The following GALNT5 variants were observed in gnomAD, a reference collection of about 807,000 sequenced individuals.
GALNT5 encodes the protein polypeptide N-acetylgalactosaminyltransferase 5.
A neutral mutation model predicts 85.4 loss-of-function variants in GALNT5; 72 were observed. The ratio of observed to expected loss-of-function variants is 0.84; its 90% CI spans 0.70 to 1.03. The LOEUF (loss-of-function observed/expected upper bound fraction) is 1.03. GALNT5 is among the 50% of genes least tolerant of loss of function. GALNT5 has a pLI of 0.00. For synonymous variants in GALNT5, 404 were observed against 397.0 expected (o/e 1.02, Z -0.21); for missense variants, 1,137 against 1,135.5 (o/e 1.00, Z -0.02).
chr2:157,263,110 A>G (rs1227115846), intron 1 of GALNT5, among the ~76,000 whole-genome samples: 3 of 151,742 alleles, frequency 2.0e-5, no homozygotes, highest in Admixed American at 2.0e-4. Flanking sequence ...TGCAGGCGTG[A>G]GCCACCGCAT....
chr2:157,303,834 T>TTAA (rs1683398703), intron 7 of GALNT5, among the ~76,000 whole-genome samples: 1 of 152,184 alleles, frequency 6.6e-6, no homozygotes, highest in Non-Finnish European at 1.5e-5. Flanking sequence ...TAGACACAAA[T>TTAA]AGTTAAACAG....
At chr2:157,265,446 A>C (rs1287900234) in intron 1 of GALNT5, among the ~76,000 whole-genome samples, 1 of 152,232 alleles carries the variant, frequency 6.6e-6, no homozygotes, top group Admixed American at 6.5e-5. Context: ...ACAGCTAAAC[A>C]GTGCCTAATT....
At position 157,258,520 on chromosome 2, in the gene GALNT5, G is replaced by C. The variant is rs764503642; in HGVS notation, c.438G>C (p.Gly146=). ...CTCCTAACAAGCAGAAGACAGACGG[G>C]AGAGGCACCAAACCTGAAGCCTCCT... is the stretch of plus-strand genomic sequence containing the variant. ...PVTPNKQKTD[G]RGTKPEASSH... The change falls in exon 1 of 10, where the codon GGG becomes GGC. Residue 146 remains glycine, a synonymous_variant. Coordinates refer to ENST00000259056, the MANE Select transcript of GALNT5 (RefSeq NM_014568.3). 1 of 1,612,232 alleles carries C rather than the reference G, an allele frequency of 6.2e-7. No individual in the cohort carries two copies. The highest frequency in any genetic ancestry group is 1.1e-5 in the South Asian group (1 of 90,888).
chr2:157,258,866 A>G lies in GALNT5; in HGVS notation c.784A>G (p.Ser262Gly). 6.4e-7 allele frequency: 1 copy of G among 1,574,278 alleles called. No homozygotes were observed. The highest frequency in any genetic ancestry group is 1.2e-5 in the South Asian group (1 of 85,052). The change falls in exon 1 of 10, where the codon AGC (serine) becomes GGC (glycine). Residue 262 changes from serine to glycine, a missense_variant. Ser to Gly is a moderately conservative substitution (Grantham distance 56). Transcript: ENST00000259056. ...AMALNKTKTQ[S>G]KEVNANKHKA... ...GGCCTTAAACAAAACTAAGACTCAG[A>G]GCAAAGAAGTCAATGCAAATAAACA...
rs1391774899 is a variant in GALNT5, at chr2:157,311,558, G to T, written c.*210G>T. 3.8e-5 allele frequency: 17 copies of T among 441,738 alleles called. No individual in the cohort carries two copies. Among genetic ancestry groups the T allele is most frequent in the Non-Finnish European group, 6.0e-5 (15 of 251,354 alleles). 27.4% of individuals were successfully genotyped at this position (441,738 alleles called of 1,614,324 possible). A position where few individuals can be genotyped will look rare whatever the true frequency, so the allele number is the denominator to read the frequency against. ...GACTGAAGTCCTTCTTCGGAACTGG[G>T]TGGCCTTTGAATTGCCTGCTTTCCA... On this transcript the variant is annotated 3_prime_UTR_variant, in exon 10 of 10. Transcript: ENST00000259056.
intron 1 of GALNT5, among the ~76,000 whole-genome samples, chr2:157,269,475 T>A (rs1445408951): frequency 6.6e-6 from 1 of 152,222 alleles, no homozygotes; most frequent in Non-Finnish European, 1.5e-5. Flanking sequence ...AATTTCTTCA[T>A]TGTAATTCTT....
At position 157,258,232 on chromosome 2, in the gene GALNT5, G is replaced by A. The variant is rs1293253054; in HGVS notation, c.150G>A (p.Val50=). ...CTCGGGTCATCAAGGAAGACATTGTGAGGAGGGAGCGGATAGGATTCAGAG... is the reference window on the plus strand; with the variant it reads ...CTCGGGTCATCAAGGAAGACATTGTAAGGAGGGAGCGGATAGGATTCAGAG... The part of the protein sequence containing the change: ...INTRVIKEDI[V]RRERIGFRVQ... Residue 50 remains valine (V), a synonymous_variant, in exon 1 of 10, where the codon GTG becomes GTA. Transcript: ENST00000259056. 2 of 1,613,546 alleles carry A rather than the reference G, an allele frequency of 1.2e-6. No homozygotes were observed. The highest frequency in any genetic ancestry group is 8.5e-7 in the Non-Finnish European group (1 of 1,179,832).
chr2:157,278,117 A>C (rs1682777426), intron 1 of GALNT5, among the ~76,000 whole-genome samples: 1 of 152,174 alleles, frequency 6.6e-6, no homozygotes, highest in Non-Finnish European at 1.5e-5. Context: ...CTGGGTTGAA[A>C]GTTCTTTTCT....
chr2:157,283,129 C>T (rs1457906720), intron 1 of GALNT5, among the ~76,000 whole-genome samples: 2 of 152,160 alleles, frequency 1.3e-5, no homozygotes, highest in Non-Finnish European at 2.9e-5. Flanking sequence ...GTGTTCGAGT[C>T]CCAGCTCTGC....
chr2:157,284,443 C>T lies in GALNT5; in HGVS notation c.1616C>T (p.Thr539Ile). 1 of 1,613,156 alleles carries T rather than the reference C, an allele frequency of 6.2e-7. No individual in the cohort carries two copies. Among genetic ancestry groups the T allele is most frequent in the Non-Finnish European group, 8.5e-7 (1 of 1,179,360 alleles). ...KEILLVDDFS[T>I]KDYLKDNLDK... The stretch of plus-strand genomic sequence containing the variant: ...ATTCTGCTGGTAGATGACTTCAGCA[C>T]CAAAGGTAAGAAAACCACTCAGGCT... Residue 539 changes from threonine to isoleucine, a missense_variant, in exon 2 of 10, where the codon ACC (threonine) becomes ATC (isoleucine). Coordinates refer to ENST00000259056, the MANE Select transcript of GALNT5 (RefSeq NM_014568.3).
intron 7 of GALNT5, among the ~76,000 whole-genome samples, chr2:157,304,610 T>A (rs1337083895): frequency 6.6e-6 from 1 of 152,234 alleles, no homozygotes; most frequent in African/African-American, 2.4e-5. Flanking sequence ...TCCGCTGTTA[T>A]GTGGAAGACC....
intron 3 of GALNT5, among the ~76,000 whole-genome samples, chr2:157,291,639 C>CCT (rs1553463152): frequency 1.4e-5 from 2 of 139,014 alleles, no homozygotes; most frequent in African/African-American, 5.7e-5. Context: ...ACCCACCCCC[C>CCT]CCCAGATTTT....
chr2:157,299,635 G>C lies in GALNT5; in HGVS notation c.2085G>C (p.Trp695Cys), dbSNP rs1158510751. The C allele has an allele frequency of 6.2e-7, 1 of 1,608,704 alleles. No individual in the cohort carries two copies. The highest frequency in any genetic ancestry group is 8.5e-7 in the Non-Finnish European group (1 of 1,175,554). The change falls in exon 6 of 10, where the codon TGG becomes TGC. Residue 695 changes from tryptophan to cysteine, a missense_variant. Coordinates refer to ENST00000259056, the MANE Select transcript of GALNT5 (RefSeq NM_014568.3). ...LGTYDPGLDV[W>C]GGENMELSFK... ...CATACGACCCTGGCCTTGATGTTTG[G>C]GGTGGGGAAAATATGGAGCTCTCAT...
rs138347479 is a variant in GALNT5, at chr2:157,295,704, G to A, written c.1783G>A (p.Val595Ile). The change falls in exon 4 of 10, where the codon GTT becomes ATT. Residue 595 changes from valine to isoleucine, a missense_variant. Val to Ile is a conservative substitution (Grantham distance 29). Transcript: ENST00000259056. ...TFLDSHVECNVGWLEPLLERV... is the reference protein window; with the variant it reads ...TFLDSHVECNIGWLEPLLERV... ...TTTAGATTCTCATGTGGAATGTAAC[G>A]TTGGTTGGTTGGAACCTCTTCTGGA... 6.8e-5 allele frequency: 110 copies of A among 1,612,256 alleles called. No homozygotes were observed. The Middle Eastern group carries it at 8.3e-4, about 12-fold the overall frequency.
At chr2:157,292,330 G>A (rs1683119092) in intron 3 of GALNT5, among the ~76,000 whole-genome samples, 1 of 152,154 alleles carries the variant, frequency 6.6e-6, no homozygotes, top group African/African-American at 2.4e-5. Flanking sequence ...TACGCAGAGA[G>A]CTCCCTGTTT....
chr2:157,268,220 A>T (rs1250679313), intron 1 of GALNT5, among the ~76,000 whole-genome samples: 1 of 152,218 alleles, frequency 6.6e-6, no homozygotes, highest in East Asian at 1.9e-4. Context: ...GAATGTTATC[A>T]TTCCCTCAAT....
At chr2:157,261,826 G>C (rs1225696288) in intron 1 of GALNT5, among the ~76,000 whole-genome samples, 1 of 151,924 alleles carries the variant, frequency 6.6e-6, no homozygotes, top group African/African-American at 2.4e-5. Context: ...TTTTGTTTTT[G>C]TTTTTTTAAA....
chr2:157,265,735 T>A (rs1484883587), intron 1 of GALNT5, among the ~76,000 whole-genome samples: 1 of 152,174 alleles, frequency 6.6e-6, no homozygotes. Flanking sequence ...GAGAAACAAC[T>A]TTTTTGCTCA....
At position 157,311,499 on chromosome 2, in the gene GALNT5, C is replaced by A; in HGVS notation, c.*151C>A. 1.7e-6 allele frequency: 1 copy of A among 580,052 alleles called. No homozygotes were observed. The highest frequency in any genetic ancestry group is 2.9e-6 in the Non-Finnish European group (1 of 346,850). The allele number at this position is 580,052 out of a possible 1,614,324, so 35.9% of individuals were successfully genotyped here. A position where few individuals can be genotyped will look rare whatever the true frequency, so the allele number is the denominator to read the frequency against. On this transcript the variant is annotated 3_prime_UTR_variant, in exon 10 of 10. Transcript: ENST00000259056. ...TTTATAAATCACAATATTTGGAATA[C>A]CAAAAGATGACTCAGGAAAACAGTC... is the stretch of plus-strand genomic sequence containing the variant.
Sources: gnomAD v4.1 joint callset for allele counts (sites outside exome capture counted in the v4.1 genomes callset) on GRCh38, gnomAD v4.1.1 for gene constraint, MANE v1.5 for transcripts, NCBI Gene and HGNC (gene_info 2026-07-23, HGNC 2026-07-21) for gene names.